EYA3: variants seen among roughly 807,000 people sequenced by gnomAD.
EYA3 encodes EYA transcriptional coactivator and phosphatase 3.
A neutral mutation model predicts 80.0 loss-of-function variants in EYA3; 39 were observed. The observed-to-expected ratio is 0.49, with a 90% CI of 0.38 to 0.64. The LOEUF (loss-of-function observed/expected upper bound fraction) is 0.64. Among genes scored for constraint, EYA3 ranks in the 30% least tolerant of loss-of-function variants. EYA3 has a pLI of 0.00. For missense variants in EYA3, 523 were observed against 676.1 expected (o/e 0.77, Z 2.51); for synonymous variants, 206 against 232.8 (o/e 0.88, Z 1.05).
At chr1:28,070,062 T>C (rs138175089) in intron 1 of EYA3, among the ~76,000 whole-genome samples, 1 of 152,136 alleles carries the variant, frequency 6.6e-6, no homozygotes, top group African/African-American at 2.4e-5. Flanking sequence ...CCTCCAGAAG[T>C]GAAAGAATAA....
At chr1:28,008,022 G>C (rs1398777414) in intron 10 of EYA3, among the ~76,000 whole-genome samples, 3 of 152,082 alleles carry the variant, frequency 2.0e-5, no homozygotes, top group Non-Finnish European at 4.4e-5. Context: ...ACTAGCATAA[G>C]GATAGACATA....
At chr1:28,054,059 C>T (rs1345045701) in intron 2 of EYA3, among the ~76,000 whole-genome samples, 1 of 152,182 alleles carries the variant, frequency 6.6e-6, no homozygotes, top group African/African-American at 2.4e-5. Context: ...CACTGTCCAA[C>T]AAACAGAAGG....
intron 3 of EYA3, among the ~76,000 whole-genome samples, chr1:28,043,674 C>G (rs1412537154): frequency 2.0e-5 from 3 of 152,118 alleles, no homozygotes; most frequent in African/African-American, 4.8e-5. Context: ...CCCGTCTCTA[C>G]TAAAAATACA....
intron 7 of EYA3, among the ~76,000 whole-genome samples, chr1:28,024,322 G>C (rs1252592814): frequency 6.6e-6 from 1 of 151,880 alleles, no homozygotes; most frequent in Non-Finnish European, 1.5e-5. Context: ...ATAGATTATT[G>C]TGTGTTACCA....
rs577036303 is a variant in EYA3 at position 28,032,854 on chromosome 1, T to C, written c.361+2690A>G. Among the ~76,000 whole-genome samples, 7 of 152,360 alleles carry C rather than the reference T, an allele frequency of 4.6e-5. No individual in the cohort carries two copies. In the South Asian group the frequency reaches 1.0e-3, roughly 23 times the overall value. Reference sequence around the variant, plus strand: ...CAACTCTGAGACCATCTTTTTGATATAGACCTAAAGTTATGAGCACTTCTA... The same window carrying C: ...CAACTCTGAGACCATCTTTTTGATACAGACCTAAAGTTATGAGCACTTCTA... On this transcript the variant is annotated intron_variant, in intron 6 of 17. Coordinates refer to ENST00000373871, the MANE Select transcript of EYA3 (RefSeq NM_001990.4).
At chr1:27,994,085 T>C (rs1250391157) in intron 13 of EYA3, among the ~76,000 whole-genome samples, 1 of 152,230 alleles carries the variant, frequency 6.6e-6, no homozygotes, top group African/African-American at 2.4e-5. Flanking sequence ...TTCTTTGATA[T>C]TCCTCTCTTC....
At chr1:28,073,127 A>ATATATATATATATATATATTTTTT (rs1553157671) in intron 1 of EYA3, among the ~76,000 whole-genome samples, 1 of 14,998 alleles carries the variant, frequency 6.7e-5, no homozygotes, top group African/African-American at 3.2e-4. Context: ...ATATATATAT[A>ATATATATATATATATATATTTTTT]TTTTTTTTTT....
chr1:28,069,522 C>T (rs1644946349), intron 1 of EYA3, among the ~76,000 whole-genome samples: 1 of 116,272 alleles, frequency 8.6e-6, no homozygotes, highest in South Asian at 2.8e-4. Flanking sequence ...CCAGCCTGGA[C>T]AACACAGCAA....
chr1:28,060,945 C>A (rs1644600321), intron 1 of EYA3, among the ~76,000 whole-genome samples: 1 of 152,068 alleles, frequency 6.6e-6, no homozygotes, highest in African/African-American at 2.4e-5. Flanking sequence ...ACCTGGGAGG[C>A]GGAGGTTTCA....
chr1:28,015,967 G>A (rs746203502), intron 8 of EYA3, among the ~76,000 whole-genome samples: 1 of 152,138 alleles, frequency 6.6e-6, no homozygotes, highest in East Asian at 1.9e-4. Flanking sequence ...TGAACTTAGG[G>A]AAACAGCAAG....
intron 1 of EYA3, among the ~76,000 whole-genome samples, chr1:28,072,734 C>T (rs1419781741): frequency 2.0e-5 from 3 of 151,982 alleles, no homozygotes; most frequent in African/African-American, 7.3e-5. Context: ...GAGGTATCTA[C>T]CTAAGTGAAA....
intron 1 of EYA3, among the ~76,000 whole-genome samples, chr1:28,073,127 A>ATATAT (rs1553157671): frequency 2.0e-4 from 3 of 15,000 alleles, no homozygotes; most frequent in African/African-American, 3.2e-4. Context: ...ATATATATAT[A>ATATAT]TTTTTTTTTT....
At chr1:28,069,561 AAAAG>A (rs1004912018) in intron 1 of EYA3, among the ~76,000 whole-genome samples, 5 of 151,262 alleles carry the variant, frequency 3.3e-5, no homozygotes, top group Admixed American at 6.6e-5. Flanking sequence ...AAAAAAAAAA[AAAAG>A]AGAGAGAAGA....
At chr1:28,033,372 T>C (rs1003139736) in intron 6 of EYA3, among the ~76,000 whole-genome samples, 3 of 152,300 alleles carry the variant, frequency 2.0e-5, no homozygotes, top group South Asian at 2.1e-4. Flanking sequence ...ATGCCATCTC[T>C]ATCATTCACA....
chr1:27,986,633 G>C (rs879868186), intron 16 of EYA3, among the ~76,000 whole-genome samples: 1 of 152,078 alleles, frequency 6.6e-6, no homozygotes, highest in Non-Finnish European at 1.5e-5. Context: ...CTGACCTCAA[G>C]TGATCCACCT....
At position 27,995,240 on chromosome 1, in the gene EYA3, T is replaced by TA. The variant is rs556685200; in HGVS notation, c.1143-1681dup. ...GGCAACACAGGGAGACCCCCATCTC[T>TA]AAAAAAAAAAAAAATGGAAATATTA... On this transcript the variant is annotated intron_variant, in intron 13 of 17. Coordinates refer to ENST00000373871, the MANE Select transcript of EYA3 (RefSeq NM_001990.4). Among the ~76,000 whole-genome samples the TA allele has an allele frequency of 8.3e-3, 1,147 of 137,732 alleles. 6 individuals carry two copies. The highest frequency in any genetic ancestry group is 9.4e-3 in the Non-Finnish European group (594 of 63,166). 90.4% of individuals were successfully genotyped at this position (137,732 alleles called of 152,430 possible).
At chr1:27,995,421 G>GAAAAAA (rs55902170) in intron 13 of EYA3, among the ~76,000 whole-genome samples, 10 of 79,162 alleles carry the variant, frequency 1.3e-4, no homozygotes, top group Non-Finnish European at 1.0e-4. Context: ...ATCTTAAAAG[G>GAAAAAA]AAAAAAAAAA....
chr1:28,027,720 T>A lies in EYA3; in HGVS notation c.499+69A>T, dbSNP rs1288775842. The A allele has an allele frequency of 3.8e-6, 6 of 1,592,922 alleles. No individual in the cohort carries two copies. The East Asian group carries it at 1.3e-4, about 36-fold the overall frequency. ...ATTATCCAATTTGTTTGTTTGGAGA[T>A]ACAGGTAGATTAAAAACAAGAAACA... is the stretch of plus-strand genomic sequence containing the variant. On this transcript the variant is annotated intron_variant, in intron 7 of 17. Coordinates refer to ENST00000373871, the MANE Select transcript of EYA3 (RefSeq NM_001990.4).
intron 2 of EYA3, among the ~76,000 whole-genome samples, chr1:28,052,914 C>T (rs147356936): frequency 2.2e-4 from 34 of 152,072 alleles, no homozygotes; most frequent in African/African-American, 7.5e-4. Context: ...GCACTCCAGC[C>T]TGGGCAACAG....
Sources: gnomAD v4.1 joint callset for allele counts (sites outside exome capture counted in the v4.1 genomes callset) on GRCh38, gnomAD v4.1.1 for gene constraint, MANE v1.5 for transcripts, NCBI Gene and HGNC (gene_info 2026-07-23, HGNC 2026-07-21) for gene names.